RXRA: variants seen among roughly 807,000 people sequenced by gnomAD.
The protein encoded by RXRA is retinoid X receptor alpha, also known as retinoic acid receptor RXR-alpha.
Under a neutral mutation model 44.5 loss-of-function variants are expected in RXRA, and 5 were observed. The observed-to-expected ratio is 0.11, with a 90% CI of 0.06 to 0.24. RXRA has a LOEUF of 0.24. RXRA is among the 10% of genes least tolerant of loss of function. The pLI, the probability that RXRA is intolerant of heterozygous loss-of-function variation, is 1.00. For synonymous variants in RXRA, 291 were observed against 271.4 expected (o/e 1.07, Z -0.71); for missense variants, 412 against 646.5 (o/e 0.64, Z 3.93).
rs1830403959 is a variant in RXRA, at chr9:134,365,573, G to A, written c.29-36059G>A. ...TGCACTGGGGCCTGGGTGGTAGGGG[G>A]TGATCTGCTTGTCCAGTGGTTTCTG... On this transcript the variant is annotated intron_variant, in intron 1 of 9. Transcript: ENST00000481739. The surrounding 1 kb of genome is among the most constrained non-coding windows in gnomAD (Gnocchi z 4.0). Among the ~76,000 whole-genome samples, 2 of 152,188 alleles carry A rather than the reference G, an allele frequency of 1.3e-5. No individual in the cohort carries two copies. The highest frequency in any genetic ancestry group is 4.8e-5 in the African/African-American group (2 of 41,436).
rs1831431773 is a variant in RXRA, at chr9:134,426,182, A to G, written c.911-2926A>G. 1 of 985,304 alleles carries G rather than the reference A, an allele frequency of 1.0e-6. No individual in the cohort carries two copies. The highest frequency in any genetic ancestry group is 1.2e-6 in the Non-Finnish European group (1 of 829,940). 61.0% of individuals were successfully genotyped at this position (985,304 alleles called of 1,614,324 possible). A position where few individuals can be genotyped will look rare whatever the true frequency, so the allele number is the denominator to read the frequency against. On this transcript the variant is annotated intron_variant, in intron 6 of 9. Coordinates refer to ENST00000481739, the MANE Select transcript of RXRA (RefSeq NM_002957.6). The surrounding 1 kb of genome is among the most constrained non-coding windows in gnomAD (Gnocchi z 4.6). ...TTGTCCTGCGCTTGGAGCCTGGAGT[A>G]AGACCTGGTATCCTCTGCATCACTG...
chr9:134,423,174 G>T (rs1831376740), intron 6 of RXRA: 1 of 985,450 alleles, frequency 1.0e-6, no homozygotes, highest in Non-Finnish European at 1.2e-6. Context: ...AGTCAGCCGG[G>T]GTAGCTGTGA....
At chr9:134,375,359 C>T (rs1050808178) in intron 1 of RXRA, among the ~76,000 whole-genome samples, 1 of 152,176 alleles carries the variant, frequency 6.6e-6, no homozygotes, top group African/African-American at 2.4e-5. Context: ...CCCAGGAAAC[C>T]TTCCTGCCTC....
intron 1 of RXRA, among the ~76,000 whole-genome samples, chr9:134,382,581 A>T (rs1236221330): frequency 6.6e-6 from 1 of 152,086 alleles, no homozygotes; most frequent in Non-Finnish European, 1.5e-5. Context: ...ATGGAGCAGT[A>T]GGTGTGTGGG....
intron 1 of RXRA, among the ~76,000 whole-genome samples, chr9:134,374,476 A>C (rs1429685975): frequency 2.0e-5 from 3 of 152,204 alleles, no homozygotes; most frequent in African/African-American, 7.2e-5. Flanking sequence ...GTCGCTGGTC[A>C]CAGGGATCCT....
At chr9:134,400,506 C>T (rs895785589) in intron 1 of RXRA, among the ~76,000 whole-genome samples, 1 of 152,170 alleles carries the variant, frequency 6.6e-6, no homozygotes, top group Non-Finnish European at 1.5e-5. Context: ...CCCCGTGTGC[C>T]CAGCCCGTCG....
intron 4 of RXRA, among the ~76,000 whole-genome samples, chr9:134,410,377 AAGCCTTGCGCAGGGTCACATGC>A (rs2119162642): frequency 1.3e-5 from 2 of 152,324 alleles, no homozygotes; most frequent in African/African-American, 4.8e-5. Flanking sequence ...CAGACGGTTC[AAGCCTTGCGCAGGGTCACATGC>A]TGGGCCCTGG....
chr9:134,421,304 G>T (rs1831326231), intron 5 of RXRA, among the ~76,000 whole-genome samples: 1 of 152,180 alleles, frequency 6.6e-6, no homozygotes, highest in African/African-American at 2.4e-5. Flanking sequence ...ACATTCCTTG[G>T]CTTGTGGCCT....
intron 1 of RXRA, among the ~76,000 whole-genome samples, chr9:134,359,704 CGTGGCCCTGGAGCCACGT>C (rs1055232577): frequency 7.2e-5 from 11 of 152,176 alleles, no homozygotes; most frequent in African/African-American, 2.2e-4. Flanking sequence ...GCAGGGGAAG[CGTGGCCCTGGAGCCACGT>C]GTGGCCCTGG....
At chr9:134,425,955 C>T (rs112700220) in intron 6 of RXRA, 36,027 of 985,348 alleles carry the variant, frequency 0.037, 741 homozygotes, top group African/African-American at 0.066. Context: ...GGTTGGAGCC[C>T]GAGGCCCCAG....
At chr9:134,424,242 T>C in intron 6 of RXRA, 1 of 985,396 alleles carries the variant, frequency 1.0e-6, no homozygotes, top group Middle Eastern at 5.2e-4. Context: ...GCCCTTCCCT[T>C]AGCCCAGAGC....
At chr9:134,436,371 G>A (rs1009700156) in intron 9 of RXRA, 96 bp from the exon 10 acceptor site, 13 of 1,249,762 alleles carry the variant, frequency 1.0e-5, no homozygotes. Flanking sequence ...AGGGGTTGGG[G>A]TATCAGACAC....
intron 1 of RXRA, among the ~76,000 whole-genome samples, chr9:134,329,044 G>A (rs1311753291): frequency 1.3e-5 from 2 of 152,232 alleles, no homozygotes; most frequent in African/African-American, 2.4e-5. Context: ...GAAGGCCCCC[G>A]CTGGCCTTAT....
intron 1 of RXRA, among the ~76,000 whole-genome samples, chr9:134,332,424 C>T (rs1309427612): frequency 6.6e-6 from 1 of 152,192 alleles, no homozygotes; most frequent in Non-Finnish European, 1.5e-5. Flanking sequence ...AGAGCCTTGA[C>T]AACCCTGGCT....
At chr9:134,422,500 A>G in intron 6 of RXRA, 1 of 1,210,746 alleles carries the variant, frequency 8.3e-7, no homozygotes, top group Non-Finnish European at 1.1e-6. Flanking sequence ...CCCTCCCAGG[A>G]CACTCCCCTC....
chr9:134,380,618 C>G (rs1024407492), intron 1 of RXRA, among the ~76,000 whole-genome samples: 11 of 152,078 alleles, frequency 7.2e-5, no homozygotes, highest in African/African-American at 1.9e-4. Flanking sequence ...GGTCCCTGCT[C>G]TCTGTGGCTG....
chr9:134,412,206 C>T (rs1831160695), intron 4 of RXRA, among the ~76,000 whole-genome samples: 1 of 152,218 alleles, frequency 6.6e-6, no homozygotes, highest in Non-Finnish European at 1.5e-5. Context: ...CACTAGGTGC[C>T]TGTGGCCCAG....
In RXRA at chr9:134,365,232, T is replaced by A. The variant is rs1226091952; in HGVS notation, c.29-36400T>A. ...CGGAGTTCTCTTGAGGGCCCCTGTCTTACGGATGAGGAGATAGAGGTTGAG... is the reference window on the plus strand; with the variant it reads ...CGGAGTTCTCTTGAGGGCCCCTGTCATACGGATGAGGAGATAGAGGTTGAG... On this transcript the variant is annotated intron_variant, in intron 1 of 9. Transcript: ENST00000481739. This position sits in a 1 kb window ranked among gnomAD's most constrained non-coding sequence, Gnocchi z 4.0. Among the ~76,000 whole-genome samples the A allele has an allele frequency of 1.3e-5, 2 of 152,160 alleles. No homozygotes were observed. Among genetic ancestry groups the A allele is most frequent in the Admixed American group, 1.3e-4 (2 of 15,278 alleles).
intron 5 of RXRA, among the ~76,000 whole-genome samples, chr9:134,420,875 C>A (rs1293119053): frequency 2.0e-5 from 3 of 152,232 alleles, no homozygotes; most frequent in Non-Finnish European, 4.4e-5. Flanking sequence ...TGGCCCCCTT[C>A]CGGCTAGGAC....
Sources: allele counts gnomAD v4.1 joint callset (sites outside exome capture counted in the v4.1 genomes callset), GRCh38; gene constraint gnomAD v4.1.1; non-coding constraint Gnocchi (gnomAD v3.1); transcripts MANE v1.5; gene names NCBI Gene and HGNC (gene_info 2026-07-23, HGNC 2026-07-21).